Variants in LARGE1 observed in about 807,000 individuals in gnomAD.
LARGE1 encodes LARGE xylosyl- and glucuronyltransferase 1.
A neutral mutation model predicts 87.6 loss-of-function variants in LARGE1; 43 were observed. That is an observed-to-expected ratio of 0.49 (90% confidence interval 0.38 to 0.63). LARGE1 has a LOEUF of 0.63. Ranked by LOEUF, LARGE1 falls within the 30% of genes least tolerant of loss-of-function variation. The pLI is 0.00. For synonymous variants in LARGE1, 434 were observed against 394.6 expected, an observed-to-expected ratio of 1.10 and a Z score of -1.18; for missense variants, 802 against 1,000.2, an observed-to-expected ratio of 0.80 and a Z score of 2.67.
chr22:33,903,312 C>T (rs1417293925), intron 1 of LARGE1, among the ~76,000 whole-genome samples: 2 of 152,136 alleles, frequency 1.3e-5, no homozygotes, highest in Non-Finnish European at 2.9e-5. Context: ...TTTGCCAACA[C>T]CCTGATCTCA....
chr22:33,554,285 C>T lies in LARGE1; in HGVS notation c.787+10563G>A, dbSNP rs574312057. On this transcript the variant is annotated intron_variant, in intron 6 of 14. Transcript: ENST00000397394. ...AGATTCATCAAATCCCCTCTGCTGT[C>T]CCTGCAGGACCACGCACTACAGAGC... 5.8e-4 allele frequency among the ~76,000 whole-genome samples: 88 copies of T among 152,262 alleles called. 4 individuals are homozygous for T. The South Asian group carries it at 0.017, about 30-fold the overall frequency.
At chr22:33,580,971 T>C (rs1288032503) in intron 5 of LARGE1, among the ~76,000 whole-genome samples, 1 of 152,192 alleles carries the variant, frequency 6.6e-6, no homozygotes, top group Non-Finnish European at 1.5e-5. Flanking sequence ...AAGACGTCCA[T>C]CTTTCAAAAA....
chr22:33,740,700 C>T (rs1386199447), intron 2 of LARGE1, among the ~76,000 whole-genome samples: 1 of 152,224 alleles, frequency 6.6e-6, no homozygotes, highest in Non-Finnish European at 1.5e-5. Flanking sequence ...GAAACCTCCA[C>T]ATCCAAAAAG....
At chr22:33,173,744 A>C (rs1007992318) in intron 11 of LARGE1, among the ~76,000 whole-genome samples, 10 of 152,226 alleles carry the variant, frequency 6.6e-5, no homozygotes, top group Middle Eastern at 3.2e-3. Context: ...GAGACACAGA[A>C]GGCCATTACA....
chr22:33,617,172 C>T (rs1250618516), intron 4 of LARGE1, among the ~76,000 whole-genome samples: 1 of 152,194 alleles, frequency 6.6e-6, no homozygotes, highest in Admixed American at 6.5e-5. Flanking sequence ...TTCATGGAGA[C>T]ATAAGTGAGA....
chr22:33,511,153 T>C (rs1289645905), intron 6 of LARGE1, among the ~76,000 whole-genome samples: 1 of 152,188 alleles, frequency 6.6e-6, no homozygotes, highest in East Asian at 1.9e-4. Flanking sequence ...TGTTTCCACA[T>C]GTGGCAGCTG....
chr22:33,091,398 TA>T, the LARGE1 span, among the ~76,000 whole-genome samples: 1 of 151,942 alleles, frequency 6.6e-6, no homozygotes, highest in Non-Finnish European at 1.5e-5. Context: ...TTGTCTTTAC[TA>T]AAAATACAAA....
chr22:33,705,965 G>C (rs970660052), intron 2 of LARGE1, among the ~76,000 whole-genome samples: 1 of 152,120 alleles, frequency 6.6e-6, no homozygotes, highest in African/African-American at 2.4e-5. Context: ...ATTGGAGCTC[G>C]GAAAAGAAAC....
chr22:33,714,461 C>A (rs1191904450), intron 2 of LARGE1, among the ~76,000 whole-genome samples: 1 of 152,018 alleles, frequency 6.6e-6, no homozygotes, highest in African/African-American at 2.4e-5. Context: ...AATTAGATGA[C>A]CAAAGTCAAA....
At chr22:33,269,281 A>G (rs1928121055), downstream of LARGE1, among the ~76,000 whole-genome samples, 1 of 152,210 alleles carries the variant, frequency 6.6e-6, no homozygotes, top group African/African-American at 2.4e-5. Context: ...TTACAGTTTC[A>G]AAAATAAATG....
At chr22:33,685,182 TG>T (rs2081907961) in intron 2 of LARGE1, among the ~76,000 whole-genome samples, 1 of 152,158 alleles carries the variant, frequency 6.6e-6, no homozygotes, top group African/African-American at 2.4e-5. Context: ...ACAGAGGTAG[TG>T]TGATGGTGAC....
At chr22:33,851,632 C>T (rs1012408637) in intron 1 of LARGE1, among the ~76,000 whole-genome samples, 1 of 152,236 alleles carries the variant, frequency 6.6e-6, no homozygotes, top group Non-Finnish European at 1.5e-5. Context: ...CATTGGTTCA[C>T]TGCAGCAAGG....
At chr22:33,236,560 T>G (rs1926261031) in intron 11 of LARGE1, among the ~76,000 whole-genome samples, 1 of 152,202 alleles carries the variant, frequency 6.6e-6, no homozygotes, top group South Asian at 2.1e-4. Context: ...AGCTTACACC[T>G]CAACCTGCAA....
chr22:33,334,409 C>CAAAA (rs529074589), intron 10 of LARGE1, among the ~76,000 whole-genome samples: 1 of 39,044 alleles, frequency 2.6e-5, no homozygotes, highest in Non-Finnish European at 4.4e-5. Flanking sequence ...GACTCTGTCT[C>CAAAA]AAAAAAAAAA....
At chr22:33,397,161 G>A (rs749372994) in intron 7 of LARGE1, among the ~76,000 whole-genome samples, 2 of 152,012 alleles carry the variant, frequency 1.3e-5, no homozygotes, top group Non-Finnish European at 2.9e-5. Flanking sequence ...TGTTGCCCAG[G>A]CTGGAGTACA....
Position 33,920,113 on chromosome 22 carries a change from C to T in LARGE1, c.-201G>A, listed in dbSNP as rs1382025461. 2.0e-5 allele frequency: 3 copies of T among 152,266 alleles called. No homozygotes were observed. The highest frequency in any genetic ancestry group is 4.1e-4 in the South Asian group (2 of 4,820). 9.4% of individuals were successfully genotyped at this position (152,266 alleles called of 1,614,324 possible). On this transcript the variant is annotated 5_prime_UTR_variant, in exon 1 of 15. Coordinates refer to ENST00000397394, the MANE Select transcript of LARGE1 (RefSeq NM_133642.5). ...GGGTCCCGGCAGGCGCTGCCCTACT[C>T]GGAGCGGCGGTGCCAAGCACAGAGT...
chr22:33,255,643 T>C (rs1241021814), intron 11 of LARGE1, among the ~76,000 whole-genome samples: 1 of 152,234 alleles, frequency 6.6e-6, no homozygotes, highest in Non-Finnish European at 1.5e-5. Flanking sequence ...GTTTTTTAAT[T>C]TGTCCCAGAA....
chr22:33,631,159 CTA>C (rs2080100001), intron 3 of LARGE1, among the ~76,000 whole-genome samples: 1 of 46,018 alleles, frequency 2.2e-5, no homozygotes, highest in Admixed American at 1.8e-4. Flanking sequence ...AGCCAACTGT[CTA>C]TTTTTTTTTT....
intron 9 of LARGE1, among the ~76,000 whole-genome samples, chr22:33,371,329 T>C (rs1302283042): frequency 6.6e-6 from 1 of 152,202 alleles, no homozygotes; most frequent in Non-Finnish European, 1.5e-5. Flanking sequence ...AAAATGGAAA[T>C]ATCTTCGAAA....
Sources: allele counts gnomAD v4.1 joint callset (sites outside exome capture counted in the v4.1 genomes callset), GRCh38; gene constraint gnomAD v4.1.1; transcripts MANE v1.5; gene names NCBI Gene and HGNC (gene_info 2026-07-23, HGNC 2026-07-21).